PITPNC1: variants seen among roughly 807,000 people sequenced by gnomAD.
PITPNC1 encodes cytoplasmic phosphatidylinositol transfer protein 1.
A neutral mutation model predicts 44.7 loss-of-function variants in PITPNC1; 18 were observed. That is an observed-to-expected ratio of 0.40 (90% CI 0.28 to 0.60). The LOEUF is 0.60. Among genes scored for constraint, PITPNC1 ranks in the 20% least tolerant of loss-of-function variants. The pLI, the probability that PITPNC1 is intolerant of heterozygous loss-of-function variation, is 0.39. For missense variants in PITPNC1, 290 were observed against 418.4 expected (o/e 0.69, Z 2.68); for synonymous variants, 141 against 149.6 (o/e 0.94, Z 0.42).
In PITPNC1 at chr17:67,552,325, A is replaced by T. The variant is rs533656475; in HGVS notation, c.266A>T (p.Tyr89Phe). 23 of 1,585,730 alleles carry T rather than the reference A, an allele frequency of 1.5e-5. No homozygotes were observed. The South Asian group carries it at 2.3e-4, about 16-fold the overall frequency. ...IFYVTEKAWN[Y>F]YPYTITEYTC... is the part of the protein sequence containing the mutation. ...TATGTGACAGAGAAGGCTTGGAACT[A>T]TTATCCCTACACAATTACAGGTAAG... The change falls in exon 3 of 9, where the codon TAT becomes TTT. Residue 89 changes from tyrosine (Y) to phenylalanine (F), a missense_variant. Transcript: ENST00000581322.
chr17:67,658,476 A>G (rs1467770444), intron 6 of PITPNC1, among the ~76,000 whole-genome samples: 1 of 152,078 alleles, frequency 6.6e-6, no homozygotes, highest in Non-Finnish European at 1.5e-5. Flanking sequence ...GGACTTTCCC[A>G]CTTTGGGATA....
intron 6 of PITPNC1, among the ~76,000 whole-genome samples, chr17:67,660,908 G>C (rs1424085683): frequency 1.3e-5 from 2 of 150,776 alleles, no homozygotes; most frequent in Non-Finnish European, 1.5e-5. Flanking sequence ...ACCCAGGCTG[G>C]AGTGCAGTGA....
At chr17:67,536,050 A>G (rs2040523005) in intron 2 of PITPNC1, among the ~76,000 whole-genome samples, 1 of 152,264 alleles carries the variant, frequency 6.6e-6, no homozygotes, top group African/African-American at 2.4e-5. Flanking sequence ...GAGGAAACTG[A>G]GCCCAGGAAG....
At chr17:67,451,083 G>A (rs2039168468) in intron 1 of PITPNC1, among the ~76,000 whole-genome samples, 1 of 152,176 alleles carries the variant, frequency 6.6e-6, no homozygotes. Context: ...TCAGGCTGGA[G>A]TGCAGTGGCA....
chr17:67,619,512 T>A (rs916691400), intron 5 of PITPNC1, among the ~76,000 whole-genome samples: 1 of 152,058 alleles, frequency 6.6e-6, no homozygotes, highest in Non-Finnish European at 1.5e-5. Context: ...CTACTGCCAA[T>A]CACTCCACCA....
chr17:67,397,566 G>A (rs150753838), intron 1 of PITPNC1, among the ~76,000 whole-genome samples: 1 of 152,294 alleles, frequency 6.6e-6, no homozygotes, highest in East Asian at 1.9e-4. Context: ...TAGGGCTGGA[G>A]TCCAGGCTTA....
At position 67,553,616 on chromosome 17, in the gene PITPNC1, C is replaced by G. The variant is rs775783051; in HGVS notation, c.293C>G (p.Thr98Arg). The change falls in exon 4 of 9, where the codon ACA becomes AGA. Residue 98 changes from threonine to arginine, a missense_variant and splice_region_variant. Coordinates refer to ENST00000581322, the MANE Select transcript of PITPNC1 (RefSeq NM_012417.4). The stretch of plus-strand genomic sequence containing the variant: ...AATGAACATGTGGAAACAGAATACA[C>G]AGTAAGTTCCATTTAATTATTTTTA... The part of the protein sequence containing the change: ...NYYPYTITEY[T>R]CSFLPKFSIH... 5 of 1,217,502 alleles carry G rather than the reference C, an allele frequency of 4.1e-6. No individual in the cohort carries two copies. Among genetic ancestry groups the G allele is most frequent in the Non-Finnish European group, 4.6e-6 (4 of 875,442 alleles). The allele number at this position is 1,217,502 out of a possible 1,614,324, so 75.4% of individuals were successfully genotyped here.
chr17:67,679,302 T>C (rs568131019), intron 8 of PITPNC1, among the ~76,000 whole-genome samples: 1 of 152,226 alleles, frequency 6.6e-6, no homozygotes, highest in Non-Finnish European at 1.5e-5. Context: ...GGAACCCAAA[T>C]TCTTACAACT....
At chr17:67,511,683 A>G (rs2144090162) in intron 1 of PITPNC1, among the ~76,000 whole-genome samples, 1 of 152,018 alleles carries the variant, frequency 6.6e-6, no homozygotes, top group East Asian at 1.9e-4. Flanking sequence ...TAATTTTTGT[A>G]TTTTTAGTAG....
intron 1 of PITPNC1, among the ~76,000 whole-genome samples, chr17:67,380,894 C>T (rs2037948229): frequency 6.6e-6 from 1 of 152,150 alleles, no homozygotes; most frequent in Admixed American, 6.5e-5. Flanking sequence ...CCATCTCAGC[C>T]TCCTGAGTAG....
chr17:67,405,254 A>AG (rs1277838128), intron 1 of PITPNC1, among the ~76,000 whole-genome samples: 2 of 151,848 alleles, frequency 1.3e-5, no homozygotes, highest in Non-Finnish European at 2.9e-5. Flanking sequence ...TTAAAAAAAA[A>AG]AAAATTCAGA....
intron 1 of PITPNC1, among the ~76,000 whole-genome samples, chr17:67,504,642 TG>T (rs1437235571): frequency 5.3e-5 from 8 of 152,236 alleles, no homozygotes; most frequent in Admixed American, 1.3e-4. Flanking sequence ...CTTTCTTTTT[TG>T]TTTGGCCAGT....
chr17:67,589,657 G>A (rs2041365105), intron 5 of PITPNC1, among the ~76,000 whole-genome samples: 1 of 149,956 alleles, frequency 6.7e-6, no homozygotes, highest in Non-Finnish European at 1.5e-5. Flanking sequence ...AGCAAAACAA[G>A]TATTGGGTAC....
At chr17:67,682,170 C>T (rs1396254088) in intron 8 of PITPNC1, among the ~76,000 whole-genome samples, 2 of 152,040 alleles carry the variant, frequency 1.3e-5, no homozygotes, top group African/African-American at 2.4e-5. Flanking sequence ...CACTGCACTC[C>T]AGCCTGGGGA....
chr17:67,437,220 G>A (rs1208228144), intron 1 of PITPNC1, among the ~76,000 whole-genome samples: 2 of 151,652 alleles, frequency 1.3e-5, no homozygotes, highest in Non-Finnish European at 2.9e-5. Flanking sequence ...GCACCTAGCC[G>A]GCAGTAGGGT....
intron 6 of PITPNC1, among the ~76,000 whole-genome samples, chr17:67,667,655 T>C: frequency 6.7e-6 from 1 of 150,010 alleles, no homozygotes; most frequent in Non-Finnish European, 1.5e-5. Context: ...TAGACAAATA[T>C]TGGATGATTA....
At chr17:67,541,196 C>T (rs111440494) in intron 2 of PITPNC1, among the ~76,000 whole-genome samples, 8 of 151,964 alleles carry the variant, frequency 5.3e-5, no homozygotes, top group African/African-American at 1.2e-4. Context: ...GCCCGGGTGA[C>T]GGAGTCAGAC....
chr17:67,667,490 C>CAAAAAAAAAAAAAAAAA (rs71139168), intron 6 of PITPNC1, among the ~76,000 whole-genome samples: 2 of 107,662 alleles, frequency 1.9e-5, no homozygotes, highest in Admixed American at 1.1e-4. Flanking sequence ...GATCCTTTCT[C>CAAAAAAAAAAAAAAAAA]AAAAAAAAAA....
chr17:67,528,668 C>G (rs2040421314), intron 1 of PITPNC1, among the ~76,000 whole-genome samples: 1 of 152,202 alleles, frequency 6.6e-6, no homozygotes, highest in Non-Finnish European at 1.5e-5. Flanking sequence ...GTGCTGATGG[C>G]TGCCTTCACC....
Sources: allele counts gnomAD v4.1 joint callset (sites outside exome capture counted in the v4.1 genomes callset), GRCh38; gene constraint gnomAD v4.1.1; transcripts MANE v1.5; gene names NCBI Gene and HGNC (gene_info 2026-07-23, HGNC 2026-07-21).